The following MAPRE2 variants were observed in gnomAD, a reference collection of about 807,000 sequenced individuals.
MAPRE2 encodes microtubule-associated protein RP/EB family member 2.
A neutral mutation model predicts 43.2 loss-of-function variants in MAPRE2; 13 were observed. The observed-to-expected ratio is 0.30, with a 90% CI of 0.20 to 0.48. The LOEUF (loss-of-function observed/expected upper bound fraction) is 0.48. Among genes scored for constraint, MAPRE2 ranks in the 20% least tolerant of loss-of-function variants. MAPRE2 has a pLI of 0.99. For missense variants in MAPRE2, 161 were observed against 400.2 expected (o/e 0.40, Z 5.10); for synonymous variants, 135 against 148.8 (o/e 0.91, Z 0.68).
At chr18:35,124,638 G>A (rs761640887) in intron 4 of MAPRE2, among the ~76,000 whole-genome samples, 6 of 152,194 alleles carry the variant, frequency 3.9e-5, no homozygotes, top group Non-Finnish European at 7.3e-5. Context: ...TGTGTAAGGG[G>A]TGTTGATCAT....
At chr18:34,990,801 G>A (rs772900638) in intron 1 of MAPRE2, among the ~76,000 whole-genome samples, 10 of 152,100 alleles carry the variant, frequency 6.6e-5, no homozygotes, top group African/African-American at 9.7e-5. Context: ...CAGAAGGATC[G>A]CTTGAGGCCA....
At chr18:35,056,532 A>G (rs1235133648) in intron 1 of MAPRE2, among the ~76,000 whole-genome samples, 1 of 152,202 alleles carries the variant, frequency 6.6e-6, no homozygotes, top group Non-Finnish European at 1.5e-5. Flanking sequence ...GAAACTCGGT[A>G]TGGAGGCAGG....
At chr18:35,041,212 C>A, upstream of MAPRE2, 1 of 774,838 alleles carries the variant, frequency 1.3e-6, no homozygotes, top group African/African-American at 1.8e-5. Flanking sequence ...TTTTACATGC[C>A]AGATGTAGGC....
chr18:35,014,431 A>G (rs2097036856), intron 2 of MAPRE2, among the ~76,000 whole-genome samples: 1 of 150,022 alleles, frequency 6.7e-6, no homozygotes, highest in Non-Finnish European at 1.5e-5. Context: ...CAGTCTATAT[A>G]AGGCATATAT....
intron 2 of MAPRE2, among the ~76,000 whole-genome samples, chr18:35,087,930 A>G (rs1232120449): frequency 6.6e-6 from 1 of 152,216 alleles, no homozygotes; most frequent in African/African-American, 2.4e-5. Context: ...GCGTCATTCC[A>G]TGGCAGAAAT....
intron 2 of MAPRE2, among the ~76,000 whole-genome samples, chr18:35,085,780 A>G (rs1907846884): frequency 6.6e-6 from 1 of 152,226 alleles, no homozygotes; most frequent in South Asian, 2.1e-4. Context: ...AGATCAGTCC[A>G]ACACTGACGT....
intron 4 of MAPRE2, among the ~76,000 whole-genome samples, chr18:35,102,395 C>A (rs1435152180): frequency 6.6e-6 from 1 of 152,218 alleles, no homozygotes; most frequent in African/African-American, 2.4e-5. Context: ...CATTGTATCA[C>A]TGAAGCTGGC....
intron 4 of MAPRE2, 151 bp downstream of exon 4, chr18:35,102,310 A>G (rs1186973232): frequency 3.5e-6 from 2 of 578,492 alleles, no homozygotes; most frequent in Non-Finnish European, 5.9e-6. Flanking sequence ...GTTTCACCAC[A>G]TTTATCTTCC....
chr18:35,007,550 C>A (rs1314142267), intron 2 of MAPRE2, among the ~76,000 whole-genome samples: 3 of 152,196 alleles, frequency 2.0e-5, no homozygotes, highest in Non-Finnish European at 2.9e-5. Flanking sequence ...AAAGAGATGG[C>A]CTTGGCTGTG....
At chr18:35,082,618 C>T (rs1035607716) in intron 2 of MAPRE2, among the ~76,000 whole-genome samples, 2 of 152,062 alleles carry the variant, frequency 1.3e-5, no homozygotes, top group Non-Finnish European at 1.5e-5. Context: ...TCACATTCAA[C>T]AAAATGTGAG....
chr18:35,041,286 G>T, upstream of MAPRE2: 4 of 1,379,420 alleles, frequency 2.9e-6, no homozygotes, highest in South Asian at 1.5e-5. Context: ...GAATTGAGGC[G>T]AGGTGATGAG....
At chr18:35,007,688 A>G (rs1008690486) in intron 2 of MAPRE2, among the ~76,000 whole-genome samples, 4 of 152,184 alleles carry the variant, frequency 2.6e-5, no homozygotes, top group Non-Finnish European at 5.9e-5. Context: ...CAAAGAGAGA[A>G]CCATCATTAG....
upstream of MAPRE2, among the ~76,000 whole-genome samples, chr18:35,041,016 TTTAA>T (rs1470302725): frequency 6.6e-6 from 1 of 152,150 alleles, no homozygotes; most frequent in Non-Finnish European, 1.5e-5. Context: ...CCTGACCAAG[TTTAA>T]TTGTCATGGC....
At chr18:35,080,412 C>A (rs1479336860) in intron 2 of MAPRE2, among the ~76,000 whole-genome samples, 2 of 152,146 alleles carry the variant, frequency 1.3e-5, no homozygotes, top group Non-Finnish European at 2.9e-5. Context: ...AGAGCAAATT[C>A]CTTTTTCTCA....
chr18:35,131,782 A>C, intron 5 of MAPRE2: 1 of 463,142 alleles, frequency 2.2e-6, no homozygotes. Context: ...AAGCAGAAAG[A>C]CCACTCTGTC....
In MAPRE2 at chr18:35,007,504, C is replaced by T. The variant is rs543532712; in HGVS notation, c.-8+1951C>T. The stretch of plus-strand genomic sequence containing the variant: ...ACAAGTCTCAGTCTAAACTGTTCAA[C>T]TCATTGTAGTGTGAAAACAGACAAA... On this transcript the variant is annotated intron_variant, in intron 2 of 7. Coordinates refer to the MAPRE2 transcript ENST00000413393. Among the ~76,000 whole-genome samples the T allele has an allele frequency of 7.4e-4, 113 of 152,356 alleles. 1 individual carries two copies. In the South Asian group the frequency reaches 0.013, roughly 18 times the overall value.
At chr18:35,059,105 T>C (rs1033254403) in intron 1 of MAPRE2, among the ~76,000 whole-genome samples, 5 of 152,230 alleles carry the variant, frequency 3.3e-5, no homozygotes, top group African/African-American at 9.6e-5. Flanking sequence ...TCAATAAATA[T>C]TAGTTATTGT....
chr18:35,044,252 C>G (rs1905507816), intron 1 of MAPRE2, among the ~76,000 whole-genome samples: 1 of 152,104 alleles, frequency 6.6e-6, no homozygotes. Flanking sequence ...TTTTTTGCGA[C>G]AGAATTTTGC....
intron 1 of MAPRE2, among the ~76,000 whole-genome samples, chr18:34,997,280 C>T (rs2097026966): frequency 6.6e-6 from 1 of 152,138 alleles, no homozygotes; most frequent in Non-Finnish European, 1.5e-5. Flanking sequence ...TGGACAAAAT[C>T]TTATTCCATA....
Sources: gnomAD v4.1 joint callset for allele counts (sites outside exome capture counted in the v4.1 genomes callset) on GRCh38, gnomAD v4.1.1 for gene constraint, MANE v1.5 for transcripts, NCBI Gene and HGNC (gene_info 2026-07-23, HGNC 2026-07-21) for gene names.